NALCN: variants seen among roughly 807,000 people sequenced by gnomAD.
The protein encoded by NALCN is sodium leak channel NALCN.
Under a neutral mutation model 225.3 loss-of-function variants are expected in NALCN, and 111 were observed. The ratio of observed to expected loss-of-function variants is 0.49; its 90% CI spans 0.42 to 0.58. The LOEUF (loss-of-function observed/expected upper bound fraction) is 0.58, where lower values mean the gene tolerates loss of function less well. Ranked by LOEUF, NALCN falls within the 20% of genes least tolerant of loss-of-function variation. The pLI, the probability that NALCN is intolerant of heterozygous loss-of-function variation, is 0.00. For missense variants in NALCN, 1,378 were observed against 2,202.4 expected (o/e 0.63, Z 7.49); for synonymous variants, 764 against 769.0 (o/e 0.99, Z 0.11).
intron 6 of NALCN, among the ~76,000 whole-genome samples, chr13:101,368,354 T>C (rs1420628891): frequency 1.3e-5 from 2 of 152,020 alleles, no homozygotes; most frequent in African/African-American, 4.8e-5. Flanking sequence ...TATGGCTGCA[T>C]AGTATTCCAT....
At position 101,258,469 on chromosome 13, in the gene NALCN, G is replaced by A; in HGVS notation, c.1240C>T (p.Gln414Ter). ...NYYKGENFRR[Q>*]YDEFYLAEVA... ...TCCGCCAGGTAGAACTCGTCGTACT[G>A]CCTCCTGAAGTTTTCTCCTTTGTAG... Residue 414 changes from glutamine to a stop codon, truncating the protein, a stop_gained, in exon 11 of 44, where the codon CAG (glutamine) becomes TAG (stop). Transcript: ENST00000251127. LOFTEE classifies it high-confidence loss of function. 6.2e-7 allele frequency: 1 copy of A among 1,614,160 alleles called. No homozygotes were observed. The highest frequency in any genetic ancestry group is 8.5e-7 in the Non-Finnish European group (1 of 1,180,020).
intron 6 of NALCN, among the ~76,000 whole-genome samples, chr13:101,372,166 G>A (rs991289707): frequency 3.9e-5 from 6 of 152,132 alleles, no homozygotes; most frequent in Middle Eastern, 3.4e-3. Context: ...ACAATGACAC[G>A]TTATGCGCCT....
intron 3 of NALCN, among the ~76,000 whole-genome samples, chr13:101,390,843 G>A (rs970935102): frequency 9.1e-5 from 13 of 143,292 alleles, no homozygotes; most frequent in Non-Finnish European, 7.5e-5. Flanking sequence ...ACCAAATAAA[G>A]CAAAGAAAGA....
chr13:101,411,469 T>C (rs1396092314), intron 1 of NALCN, among the ~76,000 whole-genome samples: 3 of 150,860 alleles, frequency 2.0e-5, no homozygotes, highest in Non-Finnish European at 4.4e-5. Context: ...CAGCCTCCCC[T>C]CCCGAGTAGC....
intron 18 of NALCN, among the ~76,000 whole-genome samples, chr13:101,111,537 A>G (rs2035437336): frequency 6.6e-6 from 1 of 152,128 alleles, no homozygotes; most frequent in African/African-American, 2.4e-5. Flanking sequence ...CACCATAAGC[A>G]GAAGGCCAGC....
chr13:101,165,271 T>C (rs1160501805), intron 15 of NALCN, among the ~76,000 whole-genome samples: 1 of 152,158 alleles, frequency 6.6e-6, no homozygotes, highest in South Asian at 2.1e-4. Context: ...GAGGAAAAGG[T>C]TGGTGATCCA....
At chr13:101,237,306 T>C (rs2041597880) in intron 12 of NALCN, among the ~76,000 whole-genome samples, 1 of 152,112 alleles carries the variant, frequency 6.6e-6, no homozygotes. Flanking sequence ...TATAAACCTT[T>C]AATATTTTCA....
intron 17 of NALCN, among the ~76,000 whole-genome samples, chr13:101,138,109 C>G (rs566262873): frequency 6.6e-6 from 1 of 152,162 alleles, no homozygotes; most frequent in East Asian, 1.9e-4. Context: ...TTAGGGGGTT[C>G]TGTCTCATGG....
intron 7 of NALCN, among the ~76,000 whole-genome samples, chr13:101,305,637 C>G (rs1005006986): frequency 6.6e-6 from 1 of 152,152 alleles, no homozygotes; most frequent in African/African-American, 2.4e-5. Flanking sequence ...CCTCTTGTCT[C>G]CTTTTATCTC....
At chr13:101,354,946 T>C (rs755667116) in intron 6 of NALCN, among the ~76,000 whole-genome samples, 2 of 152,122 alleles carry the variant, frequency 1.3e-5, no homozygotes, top group Non-Finnish European at 2.9e-5. Flanking sequence ...TGGGAGGTGA[T>C]TGGATCACAG....
chr13:101,094,982 T>C (rs1003123705), intron 28 of NALCN, among the ~76,000 whole-genome samples: 5 of 152,200 alleles, frequency 3.3e-5, no homozygotes, highest in African/African-American at 1.2e-4. Context: ...AGAGATTCAC[T>C]CATGGTCATT....
intron 14 of NALCN, among the ~76,000 whole-genome samples, chr13:101,182,244 G>T (rs1194385565): frequency 1.3e-5 from 2 of 151,740 alleles, no homozygotes; most frequent in African/African-American, 4.8e-5. Context: ...CACCCTCAGA[G>T]CAGGACAGAG....
intron 18 of NALCN, among the ~76,000 whole-genome samples, chr13:101,122,901 C>T (rs1447324227): frequency 2.6e-5 from 4 of 152,204 alleles, no homozygotes; most frequent in African/African-American, 4.8e-5. Context: ...TAATAAGGCA[C>T]GGCCCCATGG....
At chr13:101,378,963 G>A (rs1451769915) in intron 3 of NALCN, among the ~76,000 whole-genome samples, 1 of 151,938 alleles carries the variant, frequency 6.6e-6, no homozygotes, top group Non-Finnish European at 1.5e-5. Context: ...TTCCAAATAT[G>A]CTATGTAGGT....
chr13:101,295,070 G>A (rs956817816), intron 7 of NALCN, among the ~76,000 whole-genome samples: 7 of 151,934 alleles, frequency 4.6e-5, no homozygotes, highest in African/African-American at 9.7e-5. Context: ...ATGAACAGGC[G>A]CCCCCTCATG....
At chr13:101,207,659 C>G (rs1353689162) in intron 13 of NALCN, among the ~76,000 whole-genome samples, 1 of 152,102 alleles carries the variant, frequency 6.6e-6, no homozygotes, top group East Asian at 1.9e-4. Context: ...CACTCTGTGT[C>G]TAGCTAAAGA....
intron 1 of NALCN, among the ~76,000 whole-genome samples, chr13:101,408,530 C>T (rs919834753): frequency 1.3e-5 from 2 of 152,184 alleles, no homozygotes; most frequent in South Asian, 2.1e-4. Flanking sequence ...AGCGGCAATG[C>T]GTGTCTCCAC....
chr13:101,210,370 C>G (rs903614256), intron 13 of NALCN, among the ~76,000 whole-genome samples: 1 of 152,154 alleles, frequency 6.6e-6, no homozygotes, highest in African/African-American at 2.4e-5. Flanking sequence ...CTGGGTGTTA[C>G]ATCCAAGAAG....
At chr13:101,223,209 C>G (rs916443969) in intron 13 of NALCN, among the ~76,000 whole-genome samples, 3 of 152,130 alleles carry the variant, frequency 2.0e-5, no homozygotes, top group African/African-American at 7.2e-5. Flanking sequence ...CACATAACCC[C>G]AGATATAAAG....
Sources: allele counts gnomAD v4.1 joint callset (sites outside exome capture counted in the v4.1 genomes callset), GRCh38; gene constraint gnomAD v4.1.1; transcripts MANE v1.5; gene names NCBI Gene and HGNC (gene_info 2026-07-23, HGNC 2026-07-21).